The following ANKRD42 variants were observed in gnomAD, a reference collection of about 807,000 sequenced individuals.
ANKRD42 encodes ankyrin repeat domain-containing protein 42.
In ANKRD42, 43 loss-of-function variants were observed where a neutral mutation model predicts 51.5. The ratio of observed to expected loss-of-function variants is 0.83; its 90% CI spans 0.65 to 1.08. The LOEUF is 1.08. Among genes scored for constraint, ANKRD42 ranks in the 50% least tolerant of loss-of-function variants. ANKRD42 has a pLI of 0.00. For synonymous variants in ANKRD42, 203 were observed against 213.0 expected (o/e 0.95, Z 0.41); for missense variants, 608 against 629.3 (o/e 0.97, Z 0.36).
chr11:83,228,371 G>C (rs538438506), intron 7 of ANKRD42, among the ~76,000 whole-genome samples: 32 of 149,460 alleles, frequency 2.1e-4, no homozygotes, highest in Non-Finnish European at 4.1e-4. Flanking sequence ...TGGGATTATA[G>C]GCATGTGCCA....
At chr11:83,240,672 G>C in intron 8 of ANKRD42, 87 bp from the exon 9 acceptor site, 3 of 1,435,150 alleles carry the variant, frequency 2.1e-6, no homozygotes, top group Middle Eastern at 2.4e-4. Flanking sequence ...AGGGTGTACA[G>C]AGTGTAATCC....
chr11:83,254,331 G>T (rs1271524479), intron 11 of ANKRD42, among the ~76,000 whole-genome samples: 1 of 151,904 alleles, frequency 6.6e-6, no homozygotes, highest in African/African-American at 2.4e-5. Context: ...CATCTGACAA[G>T]TAGCCACCTC....
At position 83,197,499 on chromosome 11, in the gene ANKRD42, TAAC is replaced by T. The variant is rs1212272952; in HGVS notation, c.59-978_59-976del. 5.9e-5 allele frequency among the ~76,000 whole-genome samples: 9 copies of T among 152,336 alleles called. No homozygotes were observed. In the East Asian group the frequency reaches 1.7e-3, roughly 29 times the overall value. Reference sequence around the variant, plus strand: ...AATATTATTTTTGCCCTTAAGAAATTAACATTCTGATTGTGGAGAGAGGACATG... The same window carrying T: ...AATATTATTTTTGCCCTTAAGAAATTATTCTGATTGTGGAGAGAGGACATG... On this transcript the variant is annotated intron_variant, in intron 1 of 10. Coordinates refer to ENST00000533342, the MANE Select transcript of ANKRD42 (RefSeq NM_001300975.2).
chr11:83,211,831 A>G (rs535227000), intron 5 of ANKRD42, among the ~76,000 whole-genome samples: 2 of 152,098 alleles, frequency 1.3e-5, no homozygotes, highest in South Asian at 2.1e-4. Context: ...ATTGAAACCA[A>G]TTGTTTTGTT....
Position 83,247,977 on chromosome 11 carries a change from G to A in ANKRD42, c.1357G>A (p.Glu453Lys). The stretch of plus-strand genomic sequence containing the variant: ...AGAACTGCAGGGCCAGCTGGAGTAT[G>A]AACGACTACGTAGAGAAAAATTAGA... ...IKELQGQLEY[E>K]RLRREKLECQ... Residue 453 changes from glutamate (E) to lysine (K), a missense_variant, in exon 11 of 11, where the codon GAA becomes AAA. Glu to Lys is a moderately conservative substitution (Grantham distance 56, BLOSUM62 1). Transcript: ENST00000533342. The A allele has an allele frequency of 6.2e-7, 1 of 1,613,786 alleles. No homozygotes were observed. Among genetic ancestry groups the A allele is most frequent in the Non-Finnish European group, 8.5e-7 (1 of 1,179,906 alleles).
Position 83,248,612 on chromosome 11 carries a change from TTG to T in ANKRD42, c.*412_*413del. 1.0e-6 allele frequency: 1 copy of T among 986,946 alleles called. No homozygotes were observed. The highest frequency in any genetic ancestry group is 4.7e-5 in the South Asian group (1 of 21,312). The allele number at this position is 986,946 out of a possible 1,614,324, so 61.1% of individuals were successfully genotyped here. On this transcript the variant is annotated 3_prime_UTR_variant, in exon 11 of 11. Coordinates refer to ENST00000533342, the MANE Select transcript of ANKRD42 (RefSeq NM_001300975.2). Reference sequence around the variant, plus strand: ...TGGATGAATTAATTCTGTTTGAGGCTTGTGTCACCTCAAATCTGATCTATTAA... The same window carrying T: ...TGGATGAATTAATTCTGTTTGAGGCTTGTCACCTCAAATCTGATCTATTAA...
At chr11:83,204,389 G>A (rs191647024) in intron 2 of ANKRD42, among the ~76,000 whole-genome samples, 48 of 152,146 alleles carry the variant, frequency 3.2e-4, no homozygotes, top group Admixed American at 5.2e-4. Context: ...AACAGAAAAC[G>A]AAAAACCACA....
At position 83,236,393 on chromosome 11, in the gene ANKRD42, T is replaced by G. The variant is rs1312465447; in HGVS notation, c.914-11T>G. 1.9e-6 allele frequency: 3 copies of G among 1,582,524 alleles called. No homozygotes were observed. Among genetic ancestry groups the G allele is most frequent in the Non-Finnish European group, 2.6e-6 (3 of 1,169,134 alleles). On this transcript the variant is annotated splice_polypyrimidine_tract_variant and intron_variant, in intron 7 of 10. Coordinates refer to ENST00000533342, the MANE Select transcript of ANKRD42 (RefSeq NM_001300975.2). ...TGTGTAATTCCTGTTCTTTTTCCTT[T>G]TTTTGAACAGCTGCTGGACAAGGCC...
intron 2 of ANKRD42, among the ~76,000 whole-genome samples, chr11:83,205,219 C>G (rs1280342013): frequency 6.6e-6 from 1 of 152,190 alleles, no homozygotes; most frequent in Non-Finnish European, 1.5e-5. Context: ...GCTTTATTCT[C>G]TAGTACCTGA....
chr11:83,195,259 C>T (rs1010508610), intron 1 of ANKRD42, among the ~76,000 whole-genome samples: 1 of 152,218 alleles, frequency 6.6e-6, no homozygotes, highest in Non-Finnish European at 1.5e-5. Flanking sequence ...TAAATATTTA[C>T]TGCATATGCC....
rs760116245 is a variant in ANKRD42, at chr11:83,240,777, A to C, written c.1038A>C (p.Ala346=). 3 of 1,614,046 alleles carry C rather than the reference A, an allele frequency of 1.9e-6. No homozygotes were observed. The highest frequency in any genetic ancestry group is 2.5e-6 in the Non-Finnish European group (3 of 1,179,966). Residue 346 remains alanine (A), a synonymous_variant, in exon 9 of 11, where the codon GCA becomes GCC. Coordinates refer to ENST00000533342, the MANE Select transcript of ANKRD42 (RefSeq NM_001300975.2). ...DVAKRFAHLA[A]VKLLEELQKY... The stretch of plus-strand genomic sequence containing the variant: ...TCTACAGGTTTGCCCATTTGGCAGC[A>C]GTGAAGCTGTTAGAGGAGCTACAGA...
chr11:83,210,252 T>C (rs1862256847), intron 3 of ANKRD42, 48 bp from the exon 4 acceptor site: 1 of 1,573,748 alleles, frequency 6.4e-7, no homozygotes, highest in Admixed American at 1.7e-5. Context: ...GCATTTATGG[T>C]TTAACATCTA....
chr11:83,212,664 A>G, intron 5 of ANKRD42: 1 of 1,536,068 alleles, frequency 6.5e-7, no homozygotes, highest in Non-Finnish European at 8.7e-7. Flanking sequence ...ACCTCCTTAG[A>G]TCCCTGTGGA....
intron 10 of ANKRD42, among the ~76,000 whole-genome samples, chr11:83,246,042 A>G (rs1863532443): frequency 6.6e-6 from 1 of 152,202 alleles, no homozygotes; most frequent in Non-Finnish European, 1.5e-5. Flanking sequence ...GGCAGTGAGC[A>G]AGTGCATGGT....
intron 6 of ANKRD42, among the ~76,000 whole-genome samples, chr11:83,226,026 G>A (rs1046764458): frequency 6.6e-6 from 1 of 152,134 alleles, no homozygotes; most frequent in Non-Finnish European, 1.5e-5. Flanking sequence ...GCAAAGCACT[G>A]GGATTATAGG....
chr11:83,252,928 A>C (rs1863700172), downstream of ANKRD42, among the ~76,000 whole-genome samples: 2 of 152,204 alleles, frequency 1.3e-5, no homozygotes, highest in African/African-American at 2.4e-5. Flanking sequence ...AGAGAGAGTT[A>C]TGTAGCACTG....
chr11:83,225,021 T>C lies in ANKRD42; in HGVS notation c.753T>C (p.Ala251=). ...KQNILQFIQG[A]EYEGKDLEDQ... ...ACATTTTACAGTTTATCCAGGGGGC[T>C]GAGTATGAAGGAAAAGACCTAGAGG... Residue 251 remains alanine, a synonymous_variant, in exon 6 of 11, where the codon GCT becomes GCC. Transcript: ENST00000533342. 1.2e-6 allele frequency: 2 copies of C among 1,612,838 alleles called. No homozygotes were observed. The highest frequency in any genetic ancestry group is 1.7e-6 in the Non-Finnish European group (2 of 1,179,222).
intron 10 of ANKRD42, among the ~76,000 whole-genome samples, chr11:83,247,585 A>C (rs1326540367): frequency 6.6e-6 from 1 of 152,188 alleles, no homozygotes; most frequent in Non-Finnish European, 1.5e-5. Context: ...ATGAAATGTT[A>C]AGCCCCTCTT....
Position 83,248,745 on chromosome 11 carries a change from A to G in ANKRD42, c.*541A>G. 1 of 975,940 alleles carries G rather than the reference A, an allele frequency of 1.0e-6. No homozygotes were observed. Among genetic ancestry groups the G allele is most frequent in the Non-Finnish European group, 1.2e-6 (1 of 821,286 alleles). The allele number at this position is 975,940 out of a possible 1,614,324, so 60.5% of individuals were successfully genotyped here. Reference sequence around the variant, plus strand: ...AAATAATAAAACATGTTTGTTGTATAGTGTTAAAAACAAGATAGATGTTCC... The same window carrying G: ...AAATAATAAAACATGTTTGTTGTATGGTGTTAAAAACAAGATAGATGTTCC... On this transcript the variant is annotated 3_prime_UTR_variant, in exon 11 of 11. Transcript: ENST00000533342.
Sources: allele counts gnomAD v4.1 joint callset (sites outside exome capture counted in the v4.1 genomes callset), GRCh38; gene constraint gnomAD v4.1.1; transcripts MANE v1.5; gene names NCBI Gene and HGNC (gene_info 2026-07-23, HGNC 2026-07-21).